ATP2B1: variants seen among roughly 807,000 people sequenced by gnomAD.
ATP2B1 encodes the protein plasma membrane calcium-transporting ATPase 1.
Under a neutral mutation model 124.2 loss-of-function variants are expected in ATP2B1, and 14 were observed. The observed-to-expected ratio is 0.11, with a 90% confidence interval of 0.07 to 0.18. ATP2B1 has a LOEUF of 0.18. ATP2B1 is among the 10% of genes least tolerant of loss of function. ATP2B1 has a pLI of 1.00. For missense variants in ATP2B1, 763 were observed against 1,466.1 expected (o/e 0.52, Z 7.83); for synonymous variants, 449 against 492.4 (o/e 0.91, Z 1.17).
rs1193041502 is a variant in ATP2B1, at chr12:89,630,578, T to C, written c.855A>G (p.Gly285=). Residue 285 remains glycine (G), a synonymous_variant, in exon 6 of 21, where the codon GGA becomes GGG. Transcript: ENST00000428670. The part of the protein sequence containing the change: ...VTAVGVNSQT[G]IIFTLLGAGG... ...CAGCTCCAAGTAAGGTAAAGATAATTCCAGTTTGAGAATTTACACCTACAG... is the reference window on the plus strand; with the variant it reads ...CAGCTCCAAGTAAGGTAAAGATAATCCCAGTTTGAGAATTTACACCTACAG... 1.2e-6 allele frequency: 2 copies of C among 1,602,924 alleles called. No homozygotes were observed. The highest frequency in any genetic ancestry group is 1.7e-6 in the Non-Finnish European group (2 of 1,174,098).
chr12:89,598,883 G>A, intron 20 of ATP2B1: 1 of 1,147,484 alleles, frequency 8.7e-7, no homozygotes. Flanking sequence ...ATTTTGAGAT[G>A]AAGTGGGGGA....
chr12:89,643,518 G>A (rs1883976049), intron 2 of ATP2B1, among the ~76,000 whole-genome samples: 1 of 152,080 alleles, frequency 6.6e-6, no homozygotes, highest in Non-Finnish European at 1.5e-5. Flanking sequence ...TGTCACTTAA[G>A]GTAAAAGGTA....
chr12:89,644,292 T>C (rs1884111079), intron 2 of ATP2B1, among the ~76,000 whole-genome samples: 1 of 152,226 alleles, frequency 6.6e-6, no homozygotes, highest in Non-Finnish European at 1.5e-5. Context: ...AGTAGATTAC[T>C]GTTAAGGCTC....
Position 89,603,086 on chromosome 12 carries a change from T to C in ATP2B1, c.3017A>G (p.Asn1006Ser), listed in dbSNP as rs1446156551. Residue 1006 changes from asparagine to serine, a missense_variant, in exon 18 of 21, where the codon AAT (asparagine) becomes AGT (serine). By Grantham distance (46) the Asn-to-Ser change is conservative. Coordinates refer to ENST00000428670, the MANE Select transcript of ATP2B1 (RefSeq NM_001366521.1). The surrounding 1 kb of genome is among the most constrained non-coding windows in gnomAD (Gnocchi z 4.3). ...ERNVFEGIFNNAIFCTIVLGT... is the reference protein window; with the variant it reads ...ERNVFEGIFNSAIFCTIVLGT... The stretch of plus-strand genomic sequence containing the variant: ...TAAAACAATTGTGCAGAAGATGGCA[T>C]TGTTAAAGATTCCTTCGAATACATT... 3.1e-6 allele frequency: 5 copies of C among 1,613,864 alleles called. No individual in the cohort carries two copies. The highest frequency in any genetic ancestry group is 4.2e-6 in the Non-Finnish European group (5 of 1,179,916).
At chr12:89,642,112 A>C (rs1310390349) in intron 3 of ATP2B1, 46 bp downstream of exon 3, 2 of 1,530,224 alleles carry the variant, frequency 1.3e-6, no homozygotes, top group Non-Finnish European at 1.8e-6. Context: ...TAAATGAATT[A>C]GCTGAACTAG....
In ATP2B1 at chr12:89,627,516, G is replaced by A. The variant is rs150925098; in HGVS notation, c.967+162C>T. On this transcript the variant is annotated intron_variant, in intron 7 of 20. Transcript: ENST00000428670. ...AAAATCTTATTAACATTGCAGTGAC[G>A]ACATGACTAAGACACCGGCAGGAAG... Among the ~76,000 whole-genome samples the A allele has an allele frequency of 7.0e-4, 106 of 151,978 alleles. 1 individual carries two copies. The highest frequency in any genetic ancestry group is 6.8e-3 in the Middle Eastern group (2 of 292).
Position 89,590,031 on chromosome 12 carries a change from T to C in ATP2B1, c.*953A>G, listed in dbSNP as rs1873273219. On this transcript the variant is annotated 3_prime_UTR_variant, in exon 21 of 21. Transcript: ENST00000428670. ...AACAAAAAAGACTAAGGTTCTCTTG[T>C]AGTTTGATAGTCTGATTTAATTTGA... is the stretch of plus-strand genomic sequence containing the variant. 6.6e-6 allele frequency: 1 copy of C among 152,574 alleles called. No individual in the cohort carries two copies. Among genetic ancestry groups the C allele is most frequent in the Admixed American group, 6.5e-5 (1 of 15,268 alleles). 9.5% of individuals were successfully genotyped at this position (152,574 alleles called of 1,614,324 possible). A position where few individuals can be genotyped will look rare whatever the true frequency, so the allele number is the denominator to read the frequency against.
In ATP2B1 at chr12:89,677,971, T is replaced by TATACACACACAC. The variant is rs1461216851; in HGVS notation, c.-221-21865_-221-21864insGTGTGTGTGTAT. ...TGCAGGAATTATATATATATATATA[T>TATACACACACAC]ACACACACACACACACACACACACA... On this transcript the variant is annotated intron_variant, in intron 1 of 20. Transcript: ENST00000428670. Among the ~76,000 whole-genome samples the TATACACACACAC allele has an allele frequency of 3.5e-3, 184 of 52,252 alleles. 1 individual carries two copies. The highest frequency in any genetic ancestry group is 6.1e-3 in the Non-Finnish European group (153 of 25,076). 34.3% of individuals were successfully genotyped at this position (52,252 alleles called of 152,430 possible).
Position 89,603,929 on chromosome 12 carries a change from G to C in ATP2B1, c.2635-4C>G, listed in dbSNP as rs1166452641. 2 of 1,612,800 alleles carry C rather than the reference G, an allele frequency of 1.2e-6. No homozygotes were observed. The highest frequency in any genetic ancestry group is 1.7e-6 in the Non-Finnish European group (2 of 1,179,168). On this transcript the variant is annotated splice_polypyrimidine_tract_variant and splice_region_variant and intron_variant, in intron 16 of 20. Transcript: ENST00000428670. The surrounding 1 kb of genome is among the most constrained non-coding windows in gnomAD (Gnocchi z 4.3). Reference sequence around the variant, plus strand: ...GCACAGCCTTAAGCGGTGAGTCCTAGAAAAGATATGTTTCCTAATAGACAT... The same window carrying C: ...GCACAGCCTTAAGCGGTGAGTCCTACAAAAGATATGTTTCCTAATAGACAT...
upstream of ATP2B1, chr12:89,708,949 G>GGCTCCGCAGAGCGGCACACAGGGC (rs1160509684): frequency 9.2e-5 from 14 of 151,578 alleles, no homozygotes; most frequent in African/African-American, 1.2e-4. Flanking sequence ...CCGCCTCCTC[G>GGCTCCGCAGAGCGGCACACAGGGC]GCTCCGCAGA....
At chr12:89,688,542 A>C (rs1370488329) in intron 1 of ATP2B1, among the ~76,000 whole-genome samples, 1 of 152,110 alleles carries the variant, frequency 6.6e-6, no homozygotes. Context: ...GACAGAGACT[A>C]CCTGCTTTGG....
At chr12:89,647,040 A>G (rs1337450776) in intron 2 of ATP2B1, among the ~76,000 whole-genome samples, 1 of 152,244 alleles carries the variant, frequency 6.6e-6, no homozygotes, top group Non-Finnish European at 1.5e-5. Flanking sequence ...GGGAGAAAGT[A>G]AAGTATGAGA....
chr12:89,601,741 A>AAT (rs1471106837), intron 18 of ATP2B1, among the ~76,000 whole-genome samples: 2 of 152,208 alleles, frequency 1.3e-5, no homozygotes, highest in African/African-American at 4.8e-5. Context: ...TATGACCAAG[A>AAT]ATAATAATTT....
chr12:89,612,631 C>T (rs1713233406), intron 12 of ATP2B1, among the ~76,000 whole-genome samples: 2 of 152,192 alleles, frequency 1.3e-5, no homozygotes, highest in African/African-American at 4.8e-5. Flanking sequence ...TGAAGGCTAA[C>T]TTTGAACTGC....
chr12:89,603,398 T>C lies in ATP2B1; in HGVS notation c.2849-144A>G, dbSNP rs1438030713. 4.2e-6 allele frequency: 3 copies of C among 711,924 alleles called. No homozygotes were observed. The highest frequency in any genetic ancestry group is 4.0e-5 in the South Asian group (2 of 50,008). The allele number at this position is 711,924 out of a possible 1,614,324, so 44.1% of individuals were successfully genotyped here. ...GCTAGAGAAACCTGGGATTATCTAG[T>C]ACAACTCTCTTGTTTTATAGGCAAG... On this transcript the variant is annotated intron_variant, in intron 17 of 20. Coordinates refer to ENST00000428670, the MANE Select transcript of ATP2B1 (RefSeq NM_001366521.1). The surrounding 1 kb of genome is among the most constrained non-coding windows in gnomAD (Gnocchi z 4.3).
intron 15 of ATP2B1, among the ~76,000 whole-genome samples, chr12:89,608,502 GATGTT>G (rs778406003): frequency 6.7e-6 from 1 of 149,430 alleles, no homozygotes; most frequent in Non-Finnish European, 1.5e-5. Context: ...TTAGACTTTT[GATGTT>G]ATCATTTAAA....
At chr12:89,686,040 G>C (rs1889931942) in intron 1 of ATP2B1, among the ~76,000 whole-genome samples, 1 of 152,036 alleles carries the variant, frequency 6.6e-6, no homozygotes, top group African/African-American at 2.4e-5. Flanking sequence ...ATTCTGTTAT[G>C]GAGCCCTAGC....
At chr12:89,656,677 T>C (rs969924563) in intron 1 of ATP2B1, among the ~76,000 whole-genome samples, 1 of 152,190 alleles carries the variant, frequency 6.6e-6, no homozygotes, top group Admixed American at 6.5e-5. Flanking sequence ...TAATTCTCAT[T>C]GGCCACTCTG....
intron 1 of ATP2B1, among the ~76,000 whole-genome samples, chr12:89,689,802 A>C (rs1018241315): frequency 2.6e-5 from 4 of 152,102 alleles, no homozygotes; most frequent in Admixed American, 1.3e-4. Flanking sequence ...AGTACACACA[A>C]AGTCATGTAT....
Sources: allele counts gnomAD v4.1 joint callset (sites outside exome capture counted in the v4.1 genomes callset), GRCh38; gene constraint gnomAD v4.1.1; non-coding constraint Gnocchi (gnomAD v3.1); transcripts MANE v1.5; gene names NCBI Gene and HGNC (gene_info 2026-07-23, HGNC 2026-07-21).